Variants in MTMR3 observed in about 807,000 individuals in gnomAD.
MTMR3 encodes myotubularin related protein 3, also known as phosphatidylinositol-3,5-bisphosphate 3-phosphatase MTMR3.
MTMR3 carries 32 observed loss-of-function variants against 132.4 expected under a neutral mutation model. The observed-to-expected ratio is 0.24, with a 90% CI of 0.18 to 0.32. The LOEUF is 0.32. Among genes scored for constraint, MTMR3 ranks in the 10% least tolerant of loss-of-function variants. MTMR3 has a pLI of 1.00. For missense variants in MTMR3, 1,216 were observed against 1,489.6 expected, an observed-to-expected ratio of 0.82 and a Z score of 3.02; for synonymous variants, 556 against 550.3, an observed-to-expected ratio of 1.01 and a Z score of -0.14.
At chr22:29,953,398 G>A (rs552601534) in intron 1 of MTMR3, among the ~76,000 whole-genome samples, 11 of 152,196 alleles carry the variant, frequency 7.2e-5, no homozygotes, top group African/African-American at 2.4e-4. Context: ...TGCCCTTGTT[G>A]AAGCTGATGT....
At chr22:29,948,685 CT>C (rs1267661256) in intron 1 of MTMR3, among the ~76,000 whole-genome samples, 2 of 151,808 alleles carry the variant, frequency 1.3e-5, no homozygotes, top group Non-Finnish European at 1.5e-5. Flanking sequence ...AGAAATTTGT[CT>C]TTTTGTGGTA....
intron 14 of MTMR3, 32 bp from the exon 15 acceptor site, chr22:30,016,496 T>C (rs745501728): frequency 1.4e-5 from 23 of 1,607,864 alleles, no homozygotes; most frequent in Non-Finnish European, 1.7e-5. Flanking sequence ...CATGCCTGAT[T>C]GCTTAATTTG....
rs1384663071 is a variant in MTMR3 at position 29,998,785 on chromosome 22, A to C, written c.485A>C (p.Lys162Thr). ...RPGEHVTSRF[K>T]NEVERMGFDM... ...GGGGAGCATGTAACTTCAAGGTTTA[A>C]AAACGAGGTGGAGAGGATGGGTTTT... Residue 162 changes from lysine (K) to threonine (T), a missense_variant, in exon 8 of 20, where the codon AAA (lysine) becomes ACA (threonine). Physicochemically the swap from Lys to Thr is moderately conservative, Grantham distance 78. This residue lies in a region of MTMR3 where 129 missense variants were observed against 245.7 expected (regional missense o/e 0.53). Coordinates refer to ENST00000401950, the MANE Select transcript of MTMR3 (RefSeq NM_021090.4). 6.2e-7 allele frequency: 1 copy of C among 1,612,976 alleles called. No individual in the cohort carries two copies. The highest frequency in any genetic ancestry group is 1.7e-5 in the Admixed American group (1 of 59,914).
chr22:30,025,999 A>ATCC lies in MTMR3; in HGVS notation c.*207_*209dup. ...CCCCTACTCCCTCCCTACCTTTTCCATCCTCCTCCTCTGCCTTCAAAAAAG... is the reference window on the plus strand; with the variant it reads ...CCCCTACTCCCTCCCTACCTTTTCCATCCTCCTCCTCCTCTGCCTTCAAAAAAG... On this transcript the variant is annotated 3_prime_UTR_variant, in exon 20 of 20. Transcript: ENST00000401950. The ATCC allele has an allele frequency of 4.1e-6, 2 of 483,370 alleles. No individual in the cohort carries two copies. Among genetic ancestry groups the ATCC allele is most frequent in the Non-Finnish European group, 7.2e-6 (2 of 277,538 alleles). 29.9% of individuals were successfully genotyped at this position (483,370 alleles called of 1,614,324 possible). A position where few individuals can be genotyped will look rare whatever the true frequency, so the allele number is the denominator to read the frequency against.
intron 7 of MTMR3, chr22:29,993,925 C>T (rs1204824131): frequency 6.0e-6 from 1 of 166,150 alleles, no homozygotes; most frequent in Non-Finnish European, 1.2e-5. Flanking sequence ...AATTAGGAAA[C>T]CTGAATTTAA....
intron 1 of MTMR3, among the ~76,000 whole-genome samples, chr22:29,913,765 T>G (rs2065258172): frequency 6.6e-6 from 1 of 152,104 alleles, no homozygotes; most frequent in Admixed American, 6.5e-5. Flanking sequence ...TTTATTTATT[T>G]ATTTGAGACG....
At chr22:29,928,928 G>C (rs1306906154) in intron 1 of MTMR3, among the ~76,000 whole-genome samples, 3 of 152,192 alleles carry the variant, frequency 2.0e-5, no homozygotes, top group African/African-American at 7.2e-5. Context: ...GTAGTATATT[G>C]TCAAGGTACT....
chr22:29,969,024 G>A (rs1011989465), intron 2 of MTMR3, among the ~76,000 whole-genome samples: 20 of 152,126 alleles, frequency 1.3e-4, no homozygotes, highest in African/African-American at 4.6e-4. Flanking sequence ...TGGCTTTAAT[G>A]CCATTCACAC....
rs921074407 is a variant in MTMR3 at position 30,009,865 on chromosome 22, T to C, written c.1121+736T>C. On this transcript the variant is annotated intron_variant, in intron 12 of 19. Coordinates refer to ENST00000401950, the MANE Select transcript of MTMR3 (RefSeq NM_021090.4). ...GACAGAATTTTCTTTTTTCTGGTAT[T>C]TGTGCTGGAGCCCATAGTTGTTTCT... The C allele has an allele frequency of 3.3e-5, 5 of 152,254 alleles. No homozygotes were observed. The East Asian group carries it at 9.6e-4, about 29-fold the overall frequency. The allele number at this position is 152,254 out of a possible 1,614,324, so 9.4% of individuals were successfully genotyped here. A position where few individuals can be genotyped will look rare whatever the true frequency, so the allele number is the denominator to read the frequency against.
chr22:29,969,060 A>G (rs114474220), intron 2 of MTMR3, among the ~76,000 whole-genome samples: 1 of 152,182 alleles, frequency 6.6e-6, no homozygotes, highest in African/African-American at 2.4e-5. Flanking sequence ...ATTTATGTTT[A>G]TATCTCTAGG....
intron 17 of MTMR3, 82 bp downstream of exon 17, chr22:30,020,966 G>A (rs1476526028): frequency 7.5e-7 from 1 of 1,339,234 alleles, no homozygotes; most frequent in East Asian, 2.5e-5. Context: ...CCAGTGCATG[G>A]TGATTGGTAC....
intron 1 of MTMR3, among the ~76,000 whole-genome samples, chr22:29,894,181 A>G (rs2064850275): frequency 6.6e-6 from 1 of 152,016 alleles, no homozygotes; most frequent in Non-Finnish European, 1.5e-5. Context: ...TTTTCACTGG[A>G]TGTCTTCTGA....
chr22:29,972,111 T>C (rs1171491286), intron 3 of MTMR3, among the ~76,000 whole-genome samples: 2 of 152,266 alleles, frequency 1.3e-5, no homozygotes, highest in African/African-American at 4.8e-5. Context: ...ATTACAACTT[T>C]ATGATTTATC....
At chr22:29,883,458 C>T (rs1293380072) in intron 1 of MTMR3, 99 bp downstream of exon 1, 1 of 152,520 alleles carries the variant, frequency 6.6e-6, no homozygotes, top group Non-Finnish European at 1.5e-5. Context: ...GGCTGTCACC[C>T]TCTGAGGAGG....
chr22:30,013,101 A>G (rs1302122190), intron 13 of MTMR3: 1 of 301,314 alleles, frequency 3.3e-6, no homozygotes, highest in Non-Finnish European at 6.1e-6. Context: ...ACAAGAGGCT[A>G]AAAATACACA....
intron 1 of MTMR3, among the ~76,000 whole-genome samples, chr22:29,883,608 CG>C (rs2064599311): frequency 6.6e-6 from 1 of 152,062 alleles, no homozygotes; most frequent in Admixed American, 6.5e-5. Flanking sequence ...ACCCTAGATG[CG>C]GGGGAGGCGG....
At chr22:30,023,873 CTT>C (rs34667478) in intron 19 of MTMR3, 6,530 of 176,730 alleles carry the variant, frequency 0.037, 1 homozygote, top group South Asian at 0.11. Flanking sequence ...TCTTTTTTCC[CTT>C]TTTTTTTTTT....
chr22:29,942,494 A>G (rs1333189365), intron 1 of MTMR3, among the ~76,000 whole-genome samples: 4 of 152,170 alleles, frequency 2.6e-5, no homozygotes, highest in Non-Finnish European at 5.9e-5. Context: ...AGAGCAGACA[A>G]CTGGTCTGAC....
chr22:30,010,315 A>G (rs937276232), intron 12 of MTMR3: 2 of 152,200 alleles, frequency 1.3e-5, no homozygotes, highest in African/African-American at 2.4e-5. Flanking sequence ...CCCTCCATAT[A>G]TTAAAATTCT....
Sources: gnomAD v4.1 joint callset for allele counts (sites outside exome capture counted in the v4.1 genomes callset) on GRCh38, gnomAD v4.1.1 for gene constraint, gnomAD v4.1.1 regional missense constraint, MANE v1.5 for transcripts, NCBI Gene and HGNC (gene_info 2026-07-23, HGNC 2026-07-21) for gene names.